Variants in TNRC6C observed in about 807,000 individuals in gnomAD.
TNRC6C encodes trinucleotide repeat-containing gene 6C protein.
In TNRC6C, 20 loss-of-function variants were observed where a neutral mutation model predicts 153.7. That is an observed-to-expected ratio of 0.13 (90% CI 0.09 to 0.19). The LOEUF (loss-of-function observed/expected upper bound fraction) is 0.19. TNRC6C is among the 10% of genes least tolerant of loss of function. TNRC6C has a pLI of 1.00. For synonymous variants in TNRC6C, 811 were observed against 841.4 expected (o/e 0.96, Z 0.63); for missense variants, 1,987 against 2,172.0 (o/e 0.91, Z 1.69).
intron 1 of TNRC6C, among the ~76,000 whole-genome samples, chr17:77,963,468 C>T (rs896805713): frequency 1.4e-4 from 22 of 152,250 alleles, no homozygotes; most frequent in African/African-American, 5.3e-4. Context: ...TCGTTTGTTC[C>T]ATTTTTGGAG....
rs964689224 is a variant in TNRC6C, at chr17:78,075,349, A to C, written c.3060+71A>C. 6.7e-7 allele frequency: 1 copy of C among 1,493,610 alleles called. No individual in the cohort carries two copies. The allele number at this position is 1,493,610 out of a possible 1,614,324, so 92.5% of individuals were successfully genotyped here. ...AGTTTTTCATTTCAACTGTGTCCTT[A>C]ATACAAGCCAGATTAAAAACTTGCT... On this transcript the variant is annotated intron_variant, in intron 8 of 19. Transcript: ENST00000301624. The surrounding 1 kb of genome is among the most constrained non-coding windows in gnomAD (Gnocchi z 4.2).
intron 1 of TNRC6C, among the ~76,000 whole-genome samples, 180 bp downstream of exon 1, chr17:77,959,448 C>T (rs1005984500): frequency 6.6e-6 from 1 of 151,634 alleles, no homozygotes; most frequent in African/African-American, 2.4e-5. Context: ...GGGGCCGGGG[C>T]GCGTGTGTGC....
exon 13 of TNRC6C, chr17:78,086,946 C>T: frequency 6.2e-7 from 1 of 1,612,864 alleles, no homozygotes; most frequent in South Asian, 1.1e-5. Flanking sequence ...ACCACCGCCA[C>T]CGCCCCCGCC....
chr17:78,082,624 G>T (rs932077275), intron 10 of TNRC6C, among the ~76,000 whole-genome samples: 7 of 152,052 alleles, frequency 4.6e-5, no homozygotes, highest in African/African-American at 1.7e-4. Context: ...GCAAGATAAG[G>T]GCGTTTGTAA....
intron 1 of TNRC6C, among the ~76,000 whole-genome samples, chr17:78,006,527 T>TCTC (rs2071506310): frequency 7.1e-6 from 1 of 140,632 alleles, no homozygotes; most frequent in African/African-American, 2.8e-5. Context: ...TTCTTCTTCT[T>TCTC]CTTCTTCTTC....
At chr17:78,078,401 T>C (rs1340945982) in intron 9 of TNRC6C, among the ~76,000 whole-genome samples, 2 of 152,254 alleles carry the variant, frequency 1.3e-5, no homozygotes, top group Non-Finnish European at 2.9e-5. Context: ...ATCTTTATCA[T>C]AGTTAACACA....
intron 9 of TNRC6C, chr17:78,077,668 C>A: frequency 3.6e-6 from 1 of 278,636 alleles, no homozygotes. Flanking sequence ...CAGGTAGTGC[C>A]CACCCTCTTT....
chr17:78,006,486 TTCTTCTTTCTTC>T (rs1326633921), intron 1 of TNRC6C, among the ~76,000 whole-genome samples: 6 of 144,466 alleles, frequency 4.2e-5, no homozygotes, highest in African/African-American at 1.1e-4. Flanking sequence ...CTTCTTCTTC[TTCTTCTTTCTTC>T]TTCTTCTTCT....
intron 10 of TNRC6C, among the ~76,000 whole-genome samples, 158 bp from the exon 13 acceptor site, chr17:78,082,889 A>G (rs1385987651): frequency 6.6e-6 from 1 of 152,208 alleles, no homozygotes; most frequent in Non-Finnish European, 1.5e-5. Flanking sequence ...TGTATTTACA[A>G]TAATCAGGAG....
At chr17:78,074,811 G>A (rs1322714782) in intron 7 of TNRC6C, among the ~76,000 whole-genome samples, 2 of 152,248 alleles carry the variant, frequency 1.3e-5, no homozygotes, top group Non-Finnish European at 2.9e-5. Flanking sequence ...TGCATCCCAG[G>A]GGAGAGGACA....
chr17:77,967,327 T>A (rs570750338), intron 1 of TNRC6C, among the ~76,000 whole-genome samples: 3 of 152,334 alleles, frequency 2.0e-5, no homozygotes, highest in African/African-American at 7.2e-5. Context: ...AATCCCTACA[T>A]CGTCTATAGT....
intron 1 of TNRC6C, among the ~76,000 whole-genome samples, chr17:77,973,772 T>C (rs2070961212): frequency 1.3e-5 from 2 of 152,150 alleles, no homozygotes; most frequent in Admixed American, 1.3e-4. Context: ...GGGGAATAAA[T>C]TTACAAAAGA....
At chr17:78,066,901 A>G (rs1332221554) in intron 4 of TNRC6C, 1 of 152,170 alleles carries the variant, frequency 6.6e-6, no homozygotes, top group African/African-American at 2.4e-5. Flanking sequence ...TGTGTGACTT[A>G]ATGCTCATAG....
chr17:77,967,972 C>G (rs967647407), intron 1 of TNRC6C, among the ~76,000 whole-genome samples: 2 of 152,182 alleles, frequency 1.3e-5, no homozygotes, highest in African/African-American at 4.8e-5. Flanking sequence ...CTCATAATTT[C>G]AGTACTCCTT....
intron 4 of TNRC6C, chr17:78,066,338 T>G (rs2072877817): frequency 6.6e-6 from 1 of 152,198 alleles, no homozygotes; most frequent in South Asian, 2.1e-4. Flanking sequence ...TTTTGTACTT[T>G]GTGGTTTTTT....
At chr17:78,074,317 G>C (rs555409708) in intron 7 of TNRC6C, among the ~76,000 whole-genome samples, 1 of 152,258 alleles carries the variant, frequency 6.6e-6, no homozygotes, top group East Asian at 1.9e-4. Context: ...TTGCCAATCT[G>C]CACATGTCCA....
rs2144399568 is a variant in TNRC6C at position 78,079,915 on chromosome 17, T to A, written c.3357+374T>A. Reference sequence around the variant, plus strand: ...GTGAACCCAGTGAACTGTCCTAGATTGGTGGGAGAGGAAAGTGACACGCTG... The same window carrying A: ...GTGAACCCAGTGAACTGTCCTAGATAGGTGGGAGAGGAAAGTGACACGCTG... On this transcript the variant is annotated intron_variant, in intron 10 of 19. Coordinates refer to ENST00000301624, the Ensembl canonical transcript of TNRC6C. This position sits in a 1 kb window ranked among gnomAD's most constrained non-coding sequence, Gnocchi z 4.3. Among the ~76,000 whole-genome samples, 1 of 152,218 alleles carries A rather than the reference T, an allele frequency of 6.6e-6. No homozygotes were observed. Among genetic ancestry groups the A allele is most frequent in the South Asian group, 2.1e-4 (1 of 4,818 alleles).
rs1012848025 is a variant in TNRC6C, at chr17:78,104,370, A to G, written c.4713-115A>G. On this transcript the variant is annotated intron_variant, in intron 19 of 19. Coordinates refer to ENST00000301624, the Ensembl canonical transcript of TNRC6C. The surrounding 1 kb of genome is among the most constrained non-coding windows in gnomAD (Gnocchi z 6.2). ...GGTTTGGAAATAGCAGTGGCAAAAC[A>G]GAAGCCACAGGATGGCTTCCATGTG... 2.4e-5 allele frequency: 33 copies of G among 1,362,622 alleles called. No homozygotes were observed. In the African/African-American group the frequency reaches 4.0e-4, roughly 16 times the overall value. 84.4% of individuals were successfully genotyped at this position (1,362,622 alleles called of 1,614,324 possible).
chr17:78,017,351 G>A (rs962968002), intron 1 of TNRC6C, among the ~76,000 whole-genome samples: 2 of 152,300 alleles, frequency 1.3e-5, no homozygotes, highest in East Asian at 1.9e-4. Flanking sequence ...CCAGGGTGAG[G>A]AATGTAAGGT....
Sources: gnomAD v4.1 joint callset for allele counts (sites outside exome capture counted in the v4.1 genomes callset) on GRCh38, gnomAD v4.1.1 for gene constraint, Gnocchi (gnomAD v3.1) non-coding constraint, MANE v1.5 for transcripts, NCBI Gene and HGNC (gene_info 2026-07-23, HGNC 2026-07-21) for gene names.